Variants in DHX37 observed in about 807,000 individuals in gnomAD.
The protein encoded by DHX37 is DEAH-box helicase 37, also known as probable ATP-dependent RNA helicase DHX37.
DHX37 carries 52 observed loss-of-function variants against 134.3 expected under a neutral mutation model. The ratio of observed to expected loss-of-function variants is 0.39; its 90% CI spans 0.31 to 0.49. The LOEUF (loss-of-function observed/expected upper bound fraction) is 0.49, where lower values mean the gene tolerates loss of function less well. Among genes scored for constraint, DHX37 ranks in the 20% least tolerant of loss-of-function variants. DHX37 has a pLI of 0.93. For synonymous variants in DHX37, 634 were observed against 670.7 expected (o/e 0.95, Z 0.85); for missense variants, 1,344 against 1,580.8 (o/e 0.85, Z 2.54).
At position 124,954,106 on chromosome 12, in the gene DHX37, G is replaced by A. The variant is rs770021642; in HGVS notation, c.2559C>T (p.Gly853=). 9.9e-6 allele frequency: 16 copies of A among 1,609,566 alleles called. No homozygotes were observed. The highest frequency in any genetic ancestry group is 4.5e-5 in the East Asian group (2 of 44,816). Residue 853 remains glycine, a synonymous_variant, in exon 19 of 27, where the codon GGC becomes GGT. Coordinates refer to ENST00000308736, the MANE Select transcript of DHX37 (RefSeq NM_032656.4). ...ACAAACCCAGCAGCACCATGAGGTCGCCGAGCTTCAGAGAAGCCCCCTGCC... is the reference window on the plus strand; with the variant it reads ...ACAAACCCAGCAGCACCATGAGGTCACCGAGCTTCAGAGAAGCCCCCTGCC... ...WAGQGASLKL[G]DLMVLLGAVG...
At position 124,949,133 on chromosome 12, in the gene DHX37, G is replaced by A. The variant is rs1192851025; in HGVS notation, c.3290+853C>T. Among the ~76,000 whole-genome samples, 3 of 152,182 alleles carry A rather than the reference G, an allele frequency of 2.0e-5. No homozygotes were observed. The highest frequency in any genetic ancestry group is 4.8e-5 in the African/African-American group (2 of 41,430). ...CTCTGTCCCTCTGGGGCCGAGCAACGCTGCTGTGGGACAGAGATCGTGTCT... is the reference window on the plus strand; with the variant it reads ...CTCTGTCCCTCTGGGGCCGAGCAACACTGCTGTGGGACAGAGATCGTGTCT... On this transcript the variant is annotated intron_variant, in intron 25 of 26. Transcript: ENST00000308736. The surrounding 1 kb of genome is among the most constrained non-coding windows in gnomAD (Gnocchi z 4.0).
In DHX37 at chr12:124,989,103, A is replaced by G. The variant is rs1158749887; in HGVS notation, c.-81T>C. 3 of 919,378 alleles carry G rather than the reference A, an allele frequency of 3.3e-6. No individual in the cohort carries two copies. The highest frequency in any genetic ancestry group is 4.3e-5 in the Admixed American group (1 of 23,394). 57.0% of individuals were successfully genotyped at this position (919,378 alleles called of 1,614,324 possible). A position where few individuals can be genotyped will look rare whatever the true frequency, so the allele number is the denominator to read the frequency against. On this transcript the variant is annotated 5_prime_UTR_variant, in exon 1 of 27. Coordinates refer to ENST00000308736, the MANE Select transcript of DHX37 (RefSeq NM_032656.4). Reference sequence around the variant, plus strand: ...CCCAGCCCACGTGGGTTCCCAGACCACCAACTCCGGCCGTGAGACTTCCGG... The same window carrying G: ...CCCAGCCCACGTGGGTTCCCAGACCGCCAACTCCGGCCGTGAGACTTCCGG...
Position 124,964,917 on chromosome 12 carries a change from C to A in DHX37, c.1812+13G>T. ...AGTGCCCCAAAAGCTGGGCACCGGC[C>A]CAGCACGGTTACCTGTGCTTGCTTC... On this transcript the variant is annotated intron_variant, in intron 14 of 26. Coordinates refer to ENST00000308736, the MANE Select transcript of DHX37 (RefSeq NM_032656.4). 1 of 1,582,074 alleles carries A rather than the reference C, an allele frequency of 6.3e-7. No individual in the cohort carries two copies. The highest frequency in any genetic ancestry group is 8.6e-7 in the Non-Finnish European group (1 of 1,165,276).
Position 124,975,495 on chromosome 12 carries a change from C to A in DHX37, c.904G>T (p.Gly302Cys), listed in dbSNP as rs369888049. 1.2e-6 allele frequency: 2 copies of A among 1,612,526 alleles called. No individual in the cohort carries two copies. Among genetic ancestry groups the A allele is most frequent in the Admixed American group, 1.7e-5 (1 of 60,016 alleles). The change falls in exon 6 of 27, where the codon GGT becomes TGT. Residue 302 changes from glycine to cysteine, a missense_variant. Transcript: ENST00000308736. ...AGFSSEDSII[G>C]VTEPRRVAAV... ...GCCACTCGGCGGGGCTCCGTGACAC[C>A]GATGATGCTGTCTTCACTGGGGGAG...
In DHX37 at chr12:124,960,025, G is replaced by T. The variant is rs529925679; in HGVS notation, c.2157+287C>A. Among the ~76,000 whole-genome samples, 3 of 152,342 alleles carry T rather than the reference G, an allele frequency of 2.0e-5. No homozygotes were observed. In the South Asian group the frequency reaches 6.2e-4, roughly 32 times the overall value. ...GAGAAGGCTGCAGCCAGGAAGAGCCGGCAGCACGTTCTGCACGCCCCACGG... is the reference window on the plus strand; with the variant it reads ...GAGAAGGCTGCAGCCAGGAAGAGCCTGCAGCACGTTCTGCACGCCCCACGG... On this transcript the variant is annotated intron_variant, in intron 16 of 26. Coordinates refer to ENST00000308736, the MANE Select transcript of DHX37 (RefSeq NM_032656.4).
intron 16 of DHX37, among the ~76,000 whole-genome samples, chr12:124,959,345 T>C (rs1480721251): frequency 1.3e-5 from 2 of 152,146 alleles, no homozygotes. Context: ...AGTGCTGAGA[T>C]TACAGGCGTG....
intron 3 of DHX37, among the ~76,000 whole-genome samples, chr12:124,982,205 G>A (rs1018228230): frequency 6.6e-6 from 1 of 151,928 alleles, no homozygotes; most frequent in African/African-American, 2.4e-5. Flanking sequence ...CCACCTAATG[G>A]CAATTTCTGG....
intron 5 of DHX37, among the ~76,000 whole-genome samples, chr12:124,976,735 CAGG>C (rs373093545): frequency 2.6e-5 from 4 of 151,900 alleles, no homozygotes; most frequent in East Asian, 1.9e-4. Context: ...GAGGCTGAGG[CAGG>C]AGAATGGCGT....
chr12:124,974,451 C>T (rs7314104), intron 6 of DHX37, among the ~76,000 whole-genome samples: 99,421 of 150,248 alleles, frequency 0.66, 33,384 homozygotes, highest in East Asian at 0.78. Context: ...TAGCGTCCTC[C>T]GAGCCTAACG....
rs1954733279 is a variant in DHX37, at chr12:124,980,425, G to A, written c.738+65C>T. 6 of 1,548,076 alleles carry A rather than the reference G, an allele frequency of 3.9e-6. No homozygotes were observed. The Admixed American group carries it at 6.1e-5, about 16-fold the overall frequency. Reference sequence around the variant, plus strand: ...GGATGCCCTTGCCCCACTTCACCAGGACGCCCTCTGTGCGCCCCTTGCCCG... The same window carrying A: ...GGATGCCCTTGCCCCACTTCACCAGAACGCCCTCTGTGCGCCCCTTGCCCG... On this transcript the variant is annotated intron_variant, in intron 4 of 26. Transcript: ENST00000308736. The surrounding 1 kb of genome is among the most constrained non-coding windows in gnomAD (Gnocchi z 5.3).
intron 5 of DHX37, among the ~76,000 whole-genome samples, chr12:124,976,477 C>G (rs1169252273): frequency 6.6e-6 from 1 of 151,764 alleles, no homozygotes; most frequent in Non-Finnish European, 1.5e-5. Context: ...TTTGGGAGGT[C>G]GAGGTGGGTG....
In DHX37 at chr12:124,980,753, C is replaced by G; in HGVS notation, c.475G>C (p.Ala159Pro). ...TCCTCCTCCTCCTCCTCCTCCTCAG[C>G]TGAGGGCCAGCGGCGACGCTTCCGG... ...AHRKRRRWPS[A>P]EEEEEEEEES... is the part of the protein sequence containing the mutation. Residue 159 changes from alanine to proline, a missense_variant, in exon 4 of 27, where the codon GCT (alanine) becomes CCT (proline). By Grantham distance (27) the Ala-to-Pro change is conservative. Transcript: ENST00000308736. The surrounding 1 kb of genome is among the most constrained non-coding windows in gnomAD (Gnocchi z 5.3). 1 of 1,558,454 alleles carries G rather than the reference C, an allele frequency of 6.4e-7. No individual in the cohort carries two copies. The highest frequency in any genetic ancestry group is 8.7e-7 in the Non-Finnish European group (1 of 1,153,462).
intron 10 of DHX37, among the ~76,000 whole-genome samples, chr12:124,967,931 T>G (rs1405721093): frequency 6.6e-6 from 1 of 151,912 alleles, no homozygotes; most frequent in Non-Finnish European, 1.5e-5. Context: ...TAGCCAGGCG[T>G]GGCAGTGTGC....
At chr12:124,982,970 T>C (rs1381602229) in intron 2 of DHX37, among the ~76,000 whole-genome samples, 1 of 152,100 alleles carries the variant, frequency 6.6e-6, no homozygotes, top group East Asian at 1.9e-4. Context: ...GGAGGCGGCT[T>C]TGTGTGTCTG....
At chr12:124,951,799 C>T (rs1953982439) in intron 21 of DHX37, among the ~76,000 whole-genome samples, 1 of 152,004 alleles carries the variant, frequency 6.6e-6, no homozygotes, top group Non-Finnish European at 1.5e-5. Flanking sequence ...TGGTGAAACC[C>T]CTTCTCTACT....
At chr12:124,978,903 G>C (rs959541364) in intron 4 of DHX37, among the ~76,000 whole-genome samples, 1 of 151,158 alleles carries the variant, frequency 6.6e-6, no homozygotes, top group African/African-American at 2.4e-5. Context: ...CTGCACTCCA[G>C]CCTGGGTAAC....
intron 5 of DHX37, among the ~76,000 whole-genome samples, chr12:124,975,748 G>A (rs1210451136): frequency 2.6e-5 from 4 of 152,152 alleles, no homozygotes; most frequent in South Asian, 2.1e-4. Flanking sequence ...TAGAAGGAAC[G>A]GGGCCTGGGG....
At chr12:124,957,643 C>G (rs1306461646) in intron 16 of DHX37, among the ~76,000 whole-genome samples, 1 of 152,014 alleles carries the variant, frequency 6.6e-6, no homozygotes, top group South Asian at 2.1e-4. Context: ...AAAAATTAGC[C>G]GGGTGTGGTG....
chr12:124,989,109 T>G lies in DHX37; in HGVS notation c.-87A>C. On this transcript the variant is annotated 5_prime_UTR_variant, in exon 1 of 27. Transcript: ENST00000308736. ...CCACGTGGGTTCCCAGACCACCAAC[T>G]CCGGCCGTGAGACTTCCGGGTTGTG... 3 of 860,034 alleles carry G rather than the reference T, an allele frequency of 3.5e-6. No homozygotes were observed. Among genetic ancestry groups the G allele is most frequent in the Non-Finnish European group, 4.7e-6 (3 of 639,174 alleles). The allele number at this position is 860,034 out of a possible 1,614,324, so 53.3% of individuals were successfully genotyped here.
Sources: gnomAD v4.1 joint callset for allele counts (sites outside exome capture counted in the v4.1 genomes callset) on GRCh38, gnomAD v4.1.1 for gene constraint, Gnocchi (gnomAD v3.1) non-coding constraint, MANE v1.5 for transcripts, NCBI Gene and HGNC (gene_info 2026-07-23, HGNC 2026-07-21) for gene names.